AKNA: variants seen among roughly 807,000 people sequenced by gnomAD.
AKNA encodes the protein AT-hook transcription factor, also known as microtubule organization protein AKNA.
AKNA carries 67 observed loss-of-function variants against 138.8 expected under a neutral mutation model. That is an observed-to-expected ratio of 0.48 (90% CI 0.40 to 0.59). AKNA has a LOEUF of 0.59. Ranked by LOEUF, AKNA falls within the 20% of genes least tolerant of loss-of-function variation. AKNA has a pLI of 0.00. For missense variants in AKNA, 1,813 were observed against 1,880.4 expected, an observed-to-expected ratio of 0.96 and a Z score of 0.66; for synonymous variants, 737 against 754.4, an observed-to-expected ratio of 0.98 and a Z score of 0.38.
chr9:114,372,335 G>A (rs1197144259), intron 4 of AKNA, among the ~76,000 whole-genome samples: 3 of 152,058 alleles, frequency 2.0e-5, no homozygotes, highest in Non-Finnish European at 4.4e-5. Context: ...ACTACACATG[G>A]GGGGGACCCT....
chr9:114,378,499 T>C (rs1312969888), intron 2 of AKNA, among the ~76,000 whole-genome samples: 1 of 152,162 alleles, frequency 6.6e-6, no homozygotes, highest in African/African-American at 2.4e-5. Context: ...TTGTTCATGA[T>C]TATATTTGCA....
chr9:114,334,778 G>C lies in AKNA; in HGVS notation c.*2276C>G, dbSNP rs115361201. 6.8e-6 allele frequency: 1 copy of C among 146,578 alleles called. No homozygotes were observed. The highest frequency in any genetic ancestry group is 2.8e-5 in the African/African-American group (1 of 36,144). 9.1% of individuals were successfully genotyped at this position (146,578 alleles called of 1,614,324 possible). A position where few individuals can be genotyped will look rare whatever the true frequency, so the allele number is the denominator to read the frequency against. On this transcript the variant is annotated 3_prime_UTR_variant, in exon 22 of 22. Coordinates refer to ENST00000374088, the MANE Select transcript of AKNA (RefSeq NM_001317950.2). ...TCCAGGGTGATAGGACCATGAGCCC[G>C]AGGCCCTGATGTCCTGGGGTCTAGT...
In AKNA at chr9:114,361,688, T is replaced by C. The variant is rs773848908; in HGVS notation, c.2124+16A>G. The C allele has an allele frequency of 1.2e-6, 2 of 1,612,490 alleles. No homozygotes were observed. The highest frequency in any genetic ancestry group is 2.2e-5 in the East Asian group (1 of 44,886). On this transcript the variant is annotated intron_variant, in intron 9 of 21. Transcript: ENST00000374088. Reference sequence around the variant, plus strand: ...TGCACGAGGGAACAGCCCAATATGGTTGAGCCAAGAGGTACCTCAGGGCAG... The same window carrying C: ...TGCACGAGGGAACAGCCCAATATGGCTGAGCCAAGAGGTACCTCAGGGCAG...
upstream of AKNA, chr9:114,396,657 G>A (rs1834543542): frequency 6.8e-6 from 1 of 147,850 alleles, no homozygotes; most frequent in South Asian, 2.2e-4. Context: ...CCAGCCTGGA[G>A]ACAGAGCTAG....
intron 7 of AKNA, among the ~76,000 whole-genome samples, chr9:114,364,035 A>T (rs1832157176): frequency 6.6e-6 from 1 of 151,996 alleles, no homozygotes; most frequent in Non-Finnish European, 1.5e-5. Context: ...CACTTTTTTT[A>T]ACAGGGTTTC....
intron 6 of AKNA, among the ~76,000 whole-genome samples, chr9:114,365,773 T>C (rs1832302099): frequency 6.6e-6 from 1 of 152,188 alleles, no homozygotes. Context: ...AAATCTGGCA[T>C]GTGTTTCATA....
chr9:114,398,181 C>A (rs943446316), upstream of AKNA, among the ~76,000 whole-genome samples: 1 of 152,142 alleles, frequency 6.6e-6, no homozygotes, highest in Non-Finnish European at 1.5e-5. The surrounding 1 kb of genome is among the most constrained non-coding windows in gnomAD (Gnocchi z 4.2). Context: ...GACTGAGGAA[C>A]CCCGCGGCCG....
chr9:114,332,078 G>C, downstream of AKNA: 1 of 601,960 alleles, frequency 1.7e-6, no homozygotes, highest in South Asian at 2.0e-5. Context: ...AGGGACAGCT[G>C]AGCTCTACAG....
chr9:114,341,804 C>T (rs1018323958), intron 20 of AKNA, 79 bp from the exon 21 acceptor site: 47 of 1,466,412 alleles, frequency 3.2e-5, no homozygotes, highest in Middle Eastern at 2.5e-4. Context: ...GTCCACCCAG[C>T]CCTTCCCCTA....
Position 114,358,097 on chromosome 9 carries a change from T to C in AKNA, c.2563A>G (p.Met855Val). ...FQASLARDGH[M>V]SGLGKAEAAP... ...GCCTCAGCCTTGCCCAGGCCTGACA[T>C]GTGCCCGTCTCTAGCCAGGGATGCC... The change falls in exon 12 of 22, where the codon ATG becomes GTG. Residue 855 changes from methionine to valine, a missense_variant. Coordinates refer to ENST00000374088, the MANE Select transcript of AKNA (RefSeq NM_001317950.2). The C allele has an allele frequency of 6.2e-7, 1 of 1,614,164 alleles. No homozygotes were observed. The highest frequency in any genetic ancestry group is 1.7e-4 in the Middle Eastern group (1 of 6,058).
At chr9:114,358,282 T>C (rs1031726434) in intron 11 of AKNA, 115 bp from the exon 12 acceptor site, 3 of 1,437,816 alleles carry the variant, frequency 2.1e-6, no homozygotes, top group Non-Finnish European at 1.9e-6. Context: ...CAGACATCCC[T>C]GGCTGCCCAG....
At chr9:114,333,907 T>G (rs1406043176), downstream of AKNA, among the ~76,000 whole-genome samples, 1 of 149,700 alleles carries the variant, frequency 6.7e-6, no homozygotes, top group Non-Finnish European at 1.5e-5. Flanking sequence ...CGGGTCCTGC[T>G]GGGAGGTGAT....
intron 4 of AKNA, among the ~76,000 whole-genome samples, chr9:114,371,968 G>C (rs988969711): frequency 3.3e-5 from 5 of 152,202 alleles, no homozygotes; most frequent in South Asian, 4.1e-4. Flanking sequence ...TGGAATCTCA[G>C]CTCCCCTCAA....
upstream of AKNA, among the ~76,000 whole-genome samples, chr9:114,390,843 G>A (rs1476094237): frequency 2.6e-5 from 4 of 152,134 alleles, no homozygotes; most frequent in African/African-American, 7.2e-5. Flanking sequence ...TAACTTCTAG[G>A]CAACCTCCAG....
chr9:114,359,325 T>C, intron 11 of AKNA: 1 of 609,354 alleles, frequency 1.6e-6, no homozygotes, highest in East Asian at 3.4e-5. Context: ...TGCCTTGGCC[T>C]CCCTCAATGC....
At chr9:114,386,899 C>T (rs1312924086) in intron 1 of AKNA, among the ~76,000 whole-genome samples, 2 of 152,122 alleles carry the variant, frequency 1.3e-5, no homozygotes, top group Admixed American at 1.3e-4. Context: ...CACAGCCTCC[C>T]CGTGCCCTCT....
chr9:114,383,520 C>T (rs1284315231), intron 1 of AKNA, among the ~76,000 whole-genome samples: 2 of 152,192 alleles, frequency 1.3e-5, no homozygotes, highest in African/African-American at 4.8e-5. Context: ...GATGGGGAAA[C>T]TGGGATCCAG....
intron 4 of AKNA, among the ~76,000 whole-genome samples, chr9:114,368,981 TATA>T (rs1460671475): frequency 6.6e-6 from 1 of 152,210 alleles, no homozygotes; most frequent in African/African-American, 2.4e-5. Flanking sequence ...TAATGTGTGT[TATA>T]ATTATATCAT....
At chr9:114,393,242 G>C (rs1564105938) in intron 1 of AKNA, among the ~76,000 whole-genome samples, 1 of 146,682 alleles carries the variant, frequency 6.8e-6, no homozygotes, top group Non-Finnish European at 1.5e-5. Context: ...TGGAGATGGA[G>C]TCTCGCTCTG....
Sources: gnomAD v4.1 joint callset for allele counts (sites outside exome capture counted in the v4.1 genomes callset) on GRCh38, gnomAD v4.1.1 for gene constraint, Gnocchi (gnomAD v3.1) non-coding constraint, MANE v1.5 for transcripts, NCBI Gene and HGNC (gene_info 2026-07-23, HGNC 2026-07-21) for gene names.